GNB5: variants seen among roughly 807,000 people sequenced by gnomAD.
GNB5 encodes the protein guanine nucleotide-binding protein subunit beta-5.
Under a neutral mutation model 55.3 loss-of-function variants are expected in GNB5, and 37 were observed. The ratio of observed to expected loss-of-function variants is 0.67; its 90% CI spans 0.51 to 0.88. The LOEUF (loss-of-function observed/expected upper bound fraction) is 0.88, where lower values mean the gene tolerates loss of function less well. Ranked by LOEUF, GNB5 falls within the 40% of genes least tolerant of loss-of-function variation. The probability of loss-of-function intolerance (pLI) is 0.00; values close to 1 mark genes in which losing one functional copy is unlikely to be tolerated. For synonymous variants in GNB5, 219 were observed against 198.5 expected (o/e 1.10, Z -0.87); for missense variants, 476 against 515.3 (o/e 0.92, Z 0.74).
At chr15:52,136,153 C>T (rs950803123) in intron 7 of GNB5, among the ~76,000 whole-genome samples, 7 of 138,014 alleles carry the variant, frequency 5.1e-5, no homozygotes, top group Non-Finnish European at 9.3e-5. Context: ...CACACACACA[C>T]ACACACACAC....
intron 7 of GNB5, among the ~76,000 whole-genome samples, chr15:52,140,567 A>C (rs902879857): frequency 6.6e-6 from 1 of 152,224 alleles, no homozygotes; most frequent in Non-Finnish European, 1.5e-5. Flanking sequence ...ATCTGGCAAT[A>C]TGGGTAGTAG....
rs1466098789 is a variant in GNB5, at chr15:52,120,919, C to T, written c.*1838G>A. The T allele has an allele frequency of 6.6e-6, 1 of 152,256 alleles. No individual in the cohort carries two copies. Among genetic ancestry groups the T allele is most frequent in the Non-Finnish European group, 1.5e-5 (1 of 68,056 alleles). The allele number at this position is 152,256 out of a possible 1,614,324, so 9.4% of individuals were successfully genotyped here. ...CAGTGTACAATAAAACCACCAGTAA[C>T]TGCTCTGCAAATGATCAAATATAAT... On this transcript the variant is annotated 3_prime_UTR_variant, in exon 13 of 13. Transcript: ENST00000261837.
intron 3 of GNB5, among the ~76,000 whole-genome samples, chr15:52,157,375 T>G (rs528031737): frequency 6.6e-6 from 1 of 151,136 alleles, no homozygotes; most frequent in Non-Finnish European, 1.5e-5. Context: ...GCCTCCAGAG[T>G]AGTTGGGATT....
intron 7 of GNB5, chr15:52,139,651 C>A: frequency 2.9e-6 from 1 of 340,456 alleles, no homozygotes; most frequent in African/African-American, 2.2e-5. Flanking sequence ...CTAGGATCAC[C>A]AGCTAGAACA....
chr15:52,133,255 T>A, intron 9 of GNB5, 123 bp downstream of exon 9: 1 of 641,840 alleles, frequency 1.6e-6, no homozygotes, highest in Non-Finnish European at 2.8e-6. Flanking sequence ...TCAGCCTTTC[T>A]TCCCGGGGAG....
chr15:52,140,020 C>G, intron 7 of GNB5: 2 of 1,130,638 alleles, frequency 1.8e-6, no homozygotes, highest in Non-Finnish European at 2.2e-6. Flanking sequence ...GTGGCCACAG[C>G]GCCCCCTGGT....
In GNB5 at chr15:52,124,640, C is replaced by G. The variant is rs771453554; in HGVS notation, c.1010-1G>C. The G allele has an allele frequency of 6.2e-6, 10 of 1,613,154 alleles. No individual in the cohort carries two copies. Among genetic ancestry groups the G allele is most frequent in the Non-Finnish European group, 8.5e-6 (10 of 1,179,496 alleles). ...TTGTATCCAGCAAACAGCAGGCGAC[C>G]TTGAAGCAGGGTGAGATGATAGCTG... On this transcript the variant is annotated splice_acceptor_variant, in intron 11 of 12. Transcript: ENST00000261837. LOFTEE classifies it high-confidence loss of function.
At chr15:52,142,557 CTG>C (rs1185099379) in intron 6 of GNB5, among the ~76,000 whole-genome samples, 1 of 147,072 alleles carries the variant, frequency 6.8e-6, no homozygotes, top group Non-Finnish European at 1.5e-5. Flanking sequence ...TTCAAGCCAG[CTG>C]TGTTTTTTTT....
intron 3 of GNB5, among the ~76,000 whole-genome samples, chr15:52,176,242 A>T (rs573587002): frequency 6.6e-6 from 1 of 152,068 alleles, no homozygotes; most frequent in East Asian, 1.9e-4. Flanking sequence ...CACTTGCTCA[A>T]TGGGGAGCCC....
At chr15:52,163,486 T>C (rs2034383601) in intron 3 of GNB5, among the ~76,000 whole-genome samples, 1 of 152,164 alleles carries the variant, frequency 6.6e-6, no homozygotes, top group African/African-American at 2.4e-5. Flanking sequence ...ACGACCGAGC[T>C]GGGTGGACGT....
At chr15:52,170,333 C>T (rs539653738) in intron 3 of GNB5, among the ~76,000 whole-genome samples, 2 of 152,068 alleles carry the variant, frequency 1.3e-5, no homozygotes, top group Non-Finnish European at 2.9e-5. Flanking sequence ...CAATGATAGA[C>T]TGGATAAAGA....
chr15:52,165,271 A>T (rs2034428439), intron 3 of GNB5, among the ~76,000 whole-genome samples: 1 of 152,206 alleles, frequency 6.6e-6, no homozygotes, highest in Non-Finnish European at 1.5e-5. Flanking sequence ...AGAATGGAAC[A>T]AGCTAAAAAA....
At chr15:52,127,926 T>A (rs938118184) in intron 10 of GNB5, among the ~76,000 whole-genome samples, 6 of 152,072 alleles carry the variant, frequency 3.9e-5, no homozygotes. Flanking sequence ...GAGAGAAATA[T>A]TTACCAGCCT....
chr15:52,160,369 GC>G (rs1750689103), intron 3 of GNB5, among the ~76,000 whole-genome samples: 1 of 152,206 alleles, frequency 6.6e-6, no homozygotes. Flanking sequence ...TGCCTAACAG[GC>G]AGCTGGCAGG....
At chr15:52,164,214 A>T (rs893935025) in intron 3 of GNB5, among the ~76,000 whole-genome samples, 3 of 150,986 alleles carry the variant, frequency 2.0e-5, no homozygotes, top group African/African-American at 7.3e-5. Context: ...GGGCTGAGGC[A>T]GGAGAATCGC....
intron 3 of GNB5, among the ~76,000 whole-genome samples, chr15:52,158,777 T>G (rs1005273940): frequency 6.6e-6 from 1 of 152,122 alleles, no homozygotes; most frequent in Non-Finnish European, 1.5e-5. Flanking sequence ...TCAAACTCTT[T>G]CCTAGTTCAT....
Position 52,149,935 on chromosome 15 carries a change from G to T in GNB5, c.376-10C>A. 1 of 1,605,838 alleles carries T rather than the reference G, an allele frequency of 6.2e-7. No individual in the cohort carries two copies. The highest frequency in any genetic ancestry group is 8.5e-7 in the Non-Finnish European group (1 of 1,172,462). Reference sequence around the variant, plus strand: ...CGATCACCTTCCCATCCTGGAGGGAGAAGAGCAAACAGTTTAGGGGTTGTC... The same window carrying T: ...CGATCACCTTCCCATCCTGGAGGGATAAGAGCAAACAGTTTAGGGGTTGTC... On this transcript the variant is annotated splice_polypyrimidine_tract_variant and intron_variant, in intron 4 of 12. Transcript: ENST00000261837.
intron 3 of GNB5, among the ~76,000 whole-genome samples, chr15:52,157,275 C>A (rs1296169435): frequency 1.4e-5 from 2 of 139,826 alleles, no homozygotes; most frequent in East Asian, 4.3e-4. Context: ...GAGTCGGAGT[C>A]TCACTCTGTC....
intron 3 of GNB5, among the ~76,000 whole-genome samples, chr15:52,161,086 G>A (rs555602591): frequency 4.6e-5 from 7 of 152,276 alleles, no homozygotes; most frequent in Admixed American, 4.6e-4. Flanking sequence ...GAGGACAAAG[G>A]CTTTATCTCC....
Sources: allele counts gnomAD v4.1 joint callset (sites outside exome capture counted in the v4.1 genomes callset), GRCh38; gene constraint gnomAD v4.1.1; transcripts MANE v1.5; gene names NCBI Gene and HGNC (gene_info 2026-07-23, HGNC 2026-07-21).